Variants in SIM2 observed in about 807,000 individuals in gnomAD.
SIM2 encodes single-minded homolog 2.
SIM2 carries 28 observed loss-of-function variants against 64.8 expected under a neutral mutation model. The observed-to-expected ratio is 0.43, with a 90% CI of 0.32 to 0.59. The LOEUF is 0.59. Among genes scored for constraint, SIM2 ranks in the 20% least tolerant of loss-of-function variants. SIM2 has a pLI of 0.07. For missense variants in SIM2, 847 were observed against 871.4 expected (o/e 0.97, Z 0.35); for synonymous variants, 408 against 391.1 (o/e 1.04, Z -0.51).
chr21:36,747,057 C>A lies in SIM2; in HGVS notation c.1577-608C>A, dbSNP rs547768474. On this transcript the variant is annotated intron_variant, in intron 10 of 10. Coordinates refer to ENST00000290399, the MANE Select transcript of SIM2 (RefSeq NM_005069.6). The surrounding 1 kb of genome is among the most constrained non-coding windows in gnomAD (Gnocchi z 4.5). The stretch of plus-strand genomic sequence containing the variant: ...AACAAACAAACAAAGACAAAAAAAA[C>A]CCACAAGCCAGGGAGCTACTTAATG... Among the ~76,000 whole-genome samples the A allele has an allele frequency of 6.6e-6, 1 of 151,870 alleles. No individual in the cohort carries two copies. Among genetic ancestry groups the A allele is most frequent in the Non-Finnish European group, 1.5e-5 (1 of 67,996 alleles).
Position 36,699,996 on chromosome 21 carries a change from C to A in SIM2, c.175+75C>A. 1 of 1,462,394 alleles carries A rather than the reference C, an allele frequency of 6.8e-7. No individual in the cohort carries two copies. Among genetic ancestry groups the A allele is most frequent in the Non-Finnish European group, 9.1e-7 (1 of 1,093,516 alleles). 90.6% of individuals were successfully genotyped at this position (1,462,394 alleles called of 1,614,324 possible). A position where few individuals can be genotyped will look rare whatever the true frequency, so the allele number is the denominator to read the frequency against. ...GGCCCAGGCGGGAAGCGCAAGCCAG[C>A]CCGCCCAGAGGGGTTGCCGCGGCCT... is the stretch of plus-strand genomic sequence containing the variant. On this transcript the variant is annotated intron_variant, in intron 1 of 10. Coordinates refer to ENST00000290399, the MANE Select transcript of SIM2 (RefSeq NM_005069.6). The surrounding 1 kb of genome is among the most constrained non-coding windows in gnomAD (Gnocchi z 5.6).
chr21:36,709,361 C>A, intron 2 of SIM2, 111 bp downstream of exon 2: 1 of 883,870 alleles, frequency 1.1e-6, no homozygotes, highest in Non-Finnish European at 1.8e-6. Context: ...GATCCAGAGG[C>A]TGCCGGGGGC....
intron 1 of SIM2, among the ~76,000 whole-genome samples, chr21:36,706,221 G>T (rs759415432): frequency 5.3e-5 from 8 of 152,214 alleles, no homozygotes; most frequent in East Asian, 1.9e-4. Flanking sequence ...AGGTGCTGGG[G>T]CCAGGGAGGA....
intron 1 of SIM2, among the ~76,000 whole-genome samples, chr21:36,701,097 C>G (rs1015846939): frequency 6.6e-6 from 1 of 152,228 alleles, no homozygotes; most frequent in African/African-American, 2.4e-5. Context: ...GGATTTGACT[C>G]TTTGCTGGGA....
At chr21:36,708,042 C>A (rs1003626344) in intron 1 of SIM2, among the ~76,000 whole-genome samples, 5 of 152,144 alleles carry the variant, frequency 3.3e-5, no homozygotes, top group Admixed American at 1.3e-4. Flanking sequence ...AGCCAGGGGT[C>A]GGGAGCTAGG....
intron 6 of SIM2, among the ~76,000 whole-genome samples, chr21:36,730,088 G>A (rs2088945099): frequency 6.6e-6 from 1 of 152,108 alleles, no homozygotes; most frequent in Admixed American, 6.6e-5. Flanking sequence ...GAGCCTAAAG[G>A]TCCCCAGTTA....
intron 7 of SIM2, among the ~76,000 whole-genome samples, chr21:36,736,088 G>A (rs554822421): frequency 5.9e-4 from 90 of 152,342 alleles, no homozygotes; most frequent in African/African-American, 2.0e-3. Flanking sequence ...GACACAGGCA[G>A]CCTGCCAGCT....
intron 8 of SIM2, 145 bp downstream of exon 8, chr21:36,742,009 T>TG (rs2089168421): frequency 2.0e-6 from 2 of 991,486 alleles, no homozygotes; most frequent in East Asian, 2.8e-5. Context: ...TAATTTTTTT[T>TG]TTTTAGGAAT....
rs149058580 is a variant in SIM2 at position 36,730,205 on chromosome 21, C to T, written c.744-840C>T. ...ACAGAGGTTTAAACACTCGCACCCG[C>T]AGTAGCCAAGATGTGCAAACAACTG... On this transcript the variant is annotated intron_variant, in intron 6 of 10. Coordinates refer to ENST00000290399, the MANE Select transcript of SIM2 (RefSeq NM_005069.6). Among the ~76,000 whole-genome samples, 26 of 152,278 alleles carry T rather than the reference C, an allele frequency of 1.7e-4. 1 individual carries two copies. In the East Asian group the frequency reaches 5.0e-3, roughly 29 times the overall value.
chr21:36,708,739 A>G (rs1246254266), intron 1 of SIM2, among the ~76,000 whole-genome samples: 2 of 152,054 alleles, frequency 1.3e-5, no homozygotes, highest in African/African-American at 4.8e-5. Context: ...GAAGCAGGGA[A>G]AGAAAGGAGG....
At chr21:36,734,277 C>T (rs1251347158) in intron 7 of SIM2, among the ~76,000 whole-genome samples, 1 of 152,084 alleles carries the variant, frequency 6.6e-6, no homozygotes, top group Non-Finnish European at 1.5e-5. Flanking sequence ...ATGATGAAGC[C>T]ACTTTATCTC....
At position 36,747,891 on chromosome 21, in the gene SIM2, C is replaced by T; in HGVS notation, c.1803C>T (p.Asn601=). Residue 601 remains asparagine (N), a synonymous_variant, in exon 11 of 11, where the codon AAC becomes AAT. Transcript: ENST00000290399. The surrounding 1 kb of genome is among the most constrained non-coding windows in gnomAD (Gnocchi z 4.5). ...APAQLPFVLL[N]YHRVLARRGP... is the part of the protein sequence containing the mutation. ...CGCAGCTGCCCTTCGTGCTGCTCAA[C>T]TACCACCGCGTGCTGGCCCGGCGCG... 1 of 1,073,222 alleles carries T rather than the reference C, an allele frequency of 9.3e-7. No individual in the cohort carries two copies. Among genetic ancestry groups the T allele is most frequent in the Non-Finnish European group, 1.1e-6 (1 of 878,302 alleles). 66.5% of individuals were successfully genotyped at this position (1,073,222 alleles called of 1,614,324 possible).
At chr21:36,700,395 C>T (rs565969991) in intron 1 of SIM2, among the ~76,000 whole-genome samples, 10 of 143,922 alleles carry the variant, frequency 6.9e-5, no homozygotes, top group African/African-American at 2.6e-4. Context: ...TCCCTCCCTC[C>T]TTCCTTCCTT....
Position 36,726,034 on chromosome 21 carries a change from G to T in SIM2, c.544-85G>T, listed in dbSNP as rs1601699820. 1.8e-6 allele frequency: 2 copies of T among 1,111,272 alleles called. No individual in the cohort carries two copies. Among genetic ancestry groups the T allele is most frequent in the Non-Finnish European group, 2.7e-6 (2 of 743,032 alleles). The allele number at this position is 1,111,272 out of a possible 1,614,324, so 68.8% of individuals were successfully genotyped here. On this transcript the variant is annotated intron_variant, in intron 5 of 10. Transcript: ENST00000290399. This position sits in a 1 kb window ranked among gnomAD's most constrained non-coding sequence, Gnocchi z 4.5. ...AGAGGCTGGGCTGGGAGATATTCTA[G>T]CATGTTTGAGAAAATGAGCCAGGAG...
At chr21:36,731,930 T>G (rs1412834321) in intron 7 of SIM2, among the ~76,000 whole-genome samples, 1 of 152,220 alleles carries the variant, frequency 6.6e-6, no homozygotes, top group Non-Finnish European at 1.5e-5. Flanking sequence ...TTGCCCAGGC[T>G]GGAGTGCAGT....
chr21:36,743,669 C>T (rs538561116), intron 9 of SIM2, 114 bp downstream of exon 9: 28 of 1,052,434 alleles, frequency 2.7e-5, no homozygotes, highest in East Asian at 2.0e-4. Flanking sequence ...ATCTCCCTGC[C>T]GTGGAGCAAG....
At chr21:36,730,075 T>C (rs768901280) in intron 6 of SIM2, among the ~76,000 whole-genome samples, 13 of 152,190 alleles carry the variant, frequency 8.5e-5, no homozygotes, top group East Asian at 1.9e-4. Flanking sequence ...CCTCCCCTCA[T>C]AGGAGCCTAA....
Position 36,747,817 on chromosome 21 carries a change from G to C in SIM2, c.1729G>C (p.Ala577Pro). 8 of 1,029,674 alleles carry C rather than the reference G, an allele frequency of 7.8e-6. No homozygotes were observed. The highest frequency in any genetic ancestry group is 1.7e-5 in the African/African-American group (1 of 57,554). 63.8% of individuals were successfully genotyped at this position (1,029,674 alleles called of 1,614,324 possible). Residue 577 changes from alanine to proline, a missense_variant, in exon 11 of 11, where the codon GCA becomes CCA. Physicochemically the swap from Ala to Pro is conservative, Grantham distance 27 (BLOSUM62 -1). This residue lies in a region of SIM2 where 447 missense variants were observed against 414.6 expected (regional missense o/e 1.08). Coordinates refer to ENST00000290399, the MANE Select transcript of SIM2 (RefSeq NM_005069.6). This position sits in a 1 kb window ranked among gnomAD's most constrained non-coding sequence, Gnocchi z 4.5. The stretch of plus-strand genomic sequence containing the variant: ...GGCGCGGCTGGCGCTGGCCCGCGCG[G>C]CACCCGAGTGCTGCGCGCCCCCGAC... ...DGARLALARA[A>P]PECCAPPTPE...
intron 7 of SIM2, 92 bp from the exon 8 acceptor site, chr21:36,741,625 G>T (rs774931725): frequency 1.4e-6 from 2 of 1,444,986 alleles, no homozygotes; most frequent in South Asian, 1.2e-5. Flanking sequence ...GTTCTCAGAG[G>T]TGTCCTTGGG....
Sources: allele counts gnomAD v4.1 joint callset (sites outside exome capture counted in the v4.1 genomes callset), GRCh38; gene constraint gnomAD v4.1.1; regional missense constraint gnomAD v4.1.1; non-coding constraint Gnocchi (gnomAD v3.1); transcripts MANE v1.5; gene names NCBI Gene and HGNC (gene_info 2026-07-23, HGNC 2026-07-21).